ZNF44: variants seen among roughly 807,000 people sequenced by gnomAD.
The protein encoded by ZNF44 is gonadotropin inducible transcription repressor-2.
Under a neutral mutation model 11.7 loss-of-function variants are expected in ZNF44, and 9 were observed. That is an observed-to-expected ratio of 0.77 (90% CI 0.46 to 1.35). ZNF44 has a LOEUF of 1.35. ZNF44 is among the 40% of genes most tolerant of loss of function. The pLI is 0.00. For synonymous variants in ZNF44, 224 were observed against 242.7 expected (o/e 0.92, Z 0.72); for missense variants, 696 against 743.1 (o/e 0.94, Z 0.74).
downstream of ZNF44, among the ~76,000 whole-genome samples, chr19:12,269,661 G>GC (rs1966894357): frequency 6.6e-6 from 1 of 152,178 alleles, no homozygotes. Context: ...ACCACACCTG[G>GC]CCAATAGTTA....
chr19:12,238,148 A>T (rs959201638), upstream of ZNF44: 7 of 152,204 alleles, frequency 4.6e-5, no homozygotes, highest in African/African-American at 1.7e-4. Flanking sequence ...ACAAGGGAAC[A>T]AAAATTAAGT....
intron 5 of ZNF44, among the ~76,000 whole-genome samples, chr19:12,258,443 A>G (rs1040603176): frequency 2.6e-5 from 4 of 151,976 alleles, no homozygotes; most frequent in African/African-American, 7.3e-5. Context: ...AAGGCCCATC[A>G]ATTTACATTG....
intron 5 of ZNF44, among the ~76,000 whole-genome samples, chr19:12,259,371 G>C (rs893649109): frequency 1.3e-5 from 2 of 152,134 alleles, no homozygotes; most frequent in Non-Finnish European, 2.9e-5. Flanking sequence ...ATGAGCCCTA[G>C]TATTAATCCC....
chr19:12,278,485 G>C, intron 1 of ZNF44, among the ~76,000 whole-genome samples: 1 of 152,118 alleles, frequency 6.6e-6, no homozygotes, highest in South Asian at 2.1e-4. Flanking sequence ...GACTGAGCTG[G>C]TCTCGGCACC....
At chr19:12,234,061 TAAAA>T (rs76369228) in intron 2 of ZNF44, among the ~76,000 whole-genome samples, 1 of 133,466 alleles carries the variant, frequency 7.5e-6, no homozygotes, top group African/African-American at 2.7e-5. Context: ...GACTCTGTCT[TAAAA>T]AAAAAAAAAA....
intron 5 of ZNF44, among the ~76,000 whole-genome samples, chr19:12,252,841 C>A (rs1599501242): frequency 7.0e-6 from 1 of 142,814 alleles, no homozygotes; most frequent in African/African-American, 2.6e-5. Context: ...ATGTAATCTA[C>A]AAGTAAACTA....
intron 1 of ZNF44, chr19:12,284,759 C>A: frequency 1.2e-6 from 1 of 849,106 alleles, no homozygotes; most frequent in Non-Finnish European, 1.9e-6. Context: ...CTGCCATCCG[C>A]GGGGCCATCA....
At chr19:12,236,436 G>A (rs542672656) in intron 1 of ZNF44, among the ~76,000 whole-genome samples, 94 of 152,242 alleles carry the variant, frequency 6.2e-4, no homozygotes, top group African/African-American at 2.2e-3. Flanking sequence ...TTTAGCCTCC[G>A]ACTACATAAC....
intron 1 of ZNF44, among the ~76,000 whole-genome samples, chr19:12,292,650 T>C (rs1195180610): frequency 6.6e-6 from 1 of 152,020 alleles, no homozygotes; most frequent in Non-Finnish European, 1.5e-5. Flanking sequence ...CCTTATGTCT[T>C]TTTCAGGCTC....
In ZNF44 at chr19:12,273,478, A is replaced by C; in HGVS notation, c.777T>G (p.Ser259=). 1 of 1,613,944 alleles carries C rather than the reference A, an allele frequency of 6.2e-7. No homozygotes were observed. Residue 259 remains serine (S), a synonymous_variant, in exon 4 of 4, where the codon TCT becomes TCG. Coordinates refer to ENST00000355684, the MANE Select transcript of ZNF44 (RefSeq NM_016264.4). ...GEKPYECKQC[S]KAFPDYSSYL... ...ATGAACTGTAATCAGGGAAGGCTTT[A>C]GAACACTGCTTACATTCATACGGTT...
At chr19:12,277,582 T>C (rs1967284050) in intron 1 of ZNF44, among the ~76,000 whole-genome samples, 1 of 152,198 alleles carries the variant, frequency 6.6e-6, no homozygotes, top group Admixed American at 6.5e-5. Flanking sequence ...TTTAAAACTG[T>C]AATTTTTCAC....
chr19:12,249,812 A>G (rs1916920498), intron 7 of ZNF44, among the ~76,000 whole-genome samples: 1 of 152,170 alleles, frequency 6.6e-6, no homozygotes, highest in South Asian at 2.1e-4. Context: ...TCAGCTTCCC[A>G]AAGTGCTGGG....
At position 12,284,822 on chromosome 19, in the gene ZNF44, G is replaced by T. The variant is rs555792108; in HGVS notation, c.4-8740C>A. ...TGCGCAGAGGCTACTGGGGGAACAA[G>T]ATCGGCAAGCCCCACACCGTCCCTT... On this transcript the variant is annotated intron_variant, in intron 1 of 3. Coordinates refer to ENST00000355684, the MANE Select transcript of ZNF44 (RefSeq NM_016264.4). 5.9e-6 allele frequency: 7 copies of T among 1,190,528 alleles called. No individual in the cohort carries two copies. The South Asian group carries it at 7.9e-5, about 14-fold the overall frequency. 73.7% of individuals were successfully genotyped at this position (1,190,528 alleles called of 1,614,324 possible).
chr19:12,254,923 C>T (rs1482197073), intron 5 of ZNF44, among the ~76,000 whole-genome samples: 1 of 151,802 alleles, frequency 6.6e-6, no homozygotes, highest in Non-Finnish European at 1.5e-5. Context: ...CCCATCTTTA[C>T]TAAAAATACA....
At chr19:12,279,172 T>A (rs1967363158) in intron 1 of ZNF44, among the ~76,000 whole-genome samples, 1 of 152,202 alleles carries the variant, frequency 6.6e-6, no homozygotes, top group African/African-American at 2.4e-5. Context: ...GAGACTTCAG[T>A]GTTTATACCC....
At chr19:12,251,614 C>T (rs1264985816) in intron 5 of ZNF44, among the ~76,000 whole-genome samples, 1 of 152,168 alleles carries the variant, frequency 6.6e-6, no homozygotes, top group Non-Finnish European at 1.5e-5. Context: ...AAAATCTCTA[C>T]ACTTCTGAGC....
intron 2 of ZNF44, among the ~76,000 whole-genome samples, chr19:12,233,213 A>G (rs1400902353): frequency 1.3e-5 from 2 of 151,998 alleles, no homozygotes; most frequent in Non-Finnish European, 2.9e-5. Context: ...TCTGCCCCAA[A>G]ATAACCTCCC....
Position 12,272,474 on chromosome 19 carries a change from C to T in ZNF44, c.1781G>A (p.Gly594Glu). ...GGAACTGAGAGAACTGAAGGCTTTC[C>T]CACATTCCTTACATTCATAGGGCTT... is the stretch of plus-strand genomic sequence containing the variant. ...GEKPYECKECGKAFSSLSSFN... is the reference protein window; with the variant it reads ...GEKPYECKECEKAFSSLSSFN... Residue 594 changes from glycine to glutamate, a missense_variant, in exon 4 of 4, where the codon GGG (glycine) becomes GAG (glutamate). Physicochemically the swap from Gly to Glu is moderately conservative, Grantham distance 98. Coordinates refer to ENST00000355684, the MANE Select transcript of ZNF44 (RefSeq NM_016264.4). 3 of 1,602,028 alleles carry T rather than the reference C, an allele frequency of 1.9e-6. No homozygotes were observed.
chr19:12,290,725 A>AAT (rs757599375), intron 1 of ZNF44, among the ~76,000 whole-genome samples: 2 of 144,784 alleles, frequency 1.4e-5, no homozygotes, highest in Admixed American at 6.8e-5. Flanking sequence ...TAAATAAATA[A>AAT]AAATAAAAAT....
Sources: gnomAD v4.1 joint callset for allele counts (sites outside exome capture counted in the v4.1 genomes callset) on GRCh38, gnomAD v4.1.1 for gene constraint, MANE v1.5 for transcripts, NCBI Gene and HGNC (gene_info 2026-07-23, HGNC 2026-07-21) for gene names.